The following PDE1A variants were observed in gnomAD, a reference collection of about 807,000 sequenced individuals.
PDE1A encodes the protein phosphodiesterase 1A, also known as dual specificity calcium/calmodulin-dependent 3',5'-cyclic nucleotide phosphodiesterase 1A.
PDE1A carries 35 observed loss-of-function variants against 61.7 expected under a neutral mutation model. That is an observed-to-expected ratio of 0.57 (90% CI 0.43 to 0.75). The LOEUF (loss-of-function observed/expected upper bound fraction) is 0.75, where lower values mean the gene tolerates loss of function less well. PDE1A is among the 30% of genes least tolerant of loss of function. The probability of loss-of-function intolerance (pLI) is 0.00; values close to 1 mark genes in which losing one functional copy is unlikely to be tolerated. For synonymous variants in PDE1A, 232 were observed against 213.2 expected, an observed-to-expected ratio of 1.09 and a Z score of -0.77; for missense variants, 597 against 630.6, an observed-to-expected ratio of 0.95 and a Z score of 0.57.
chr2:182,580,493 A>C, the PDE1A span, among the ~76,000 whole-genome samples: 1 of 152,140 alleles, frequency 6.6e-6, no homozygotes, highest in Non-Finnish European at 1.5e-5. Flanking sequence ...ACTTCATTTT[A>C]TCTCTTTAAA....
the PDE1A span, among the ~76,000 whole-genome samples, chr2:182,536,240 T>G: frequency 6.6e-6 from 1 of 152,212 alleles, no homozygotes; most frequent in Non-Finnish European, 1.5e-5. Context: ...ACAGGAAGCA[T>G]GTACTTTCTT....
the PDE1A span, among the ~76,000 whole-genome samples, chr2:182,649,426 T>C: frequency 6.6e-6 from 1 of 151,576 alleles, no homozygotes; most frequent in Non-Finnish European, 1.5e-5. Flanking sequence ...CTAAAGAGGT[T>C]TTTTCAGGGG....
At chr2:182,253,710 A>G (rs868102614) in intron 2 of PDE1A, among the ~76,000 whole-genome samples, 1 of 152,172 alleles carries the variant, frequency 6.6e-6, no homozygotes, top group Non-Finnish European at 1.5e-5. Flanking sequence ...TTGGCCTTAA[A>G]AAAGGGAGTA....
intron 13 of PDE1A, among the ~76,000 whole-genome samples, chr2:182,174,855 A>G (rs1272832988): frequency 6.6e-6 from 1 of 152,104 alleles, no homozygotes. Context: ...TCAACCCGTC[A>G]TCTACATTAG....
rs1381404085 is a variant in PDE1A at position 182,216,197 on chromosome 2, C to G, written c.776+7667G>C. 5.5e-5 allele frequency among the ~76,000 whole-genome samples: 4 copies of G among 72,516 alleles called. 1 individual carries two copies. Among genetic ancestry groups the G allele is most frequent in the African/African-American group, 2.0e-4 (4 of 19,872 alleles). 47.6% of individuals were successfully genotyped at this position (72,516 alleles called of 152,430 possible). ...ATTATCTCAATAGATGCAGAAAAAG[C>G]CTTTGACAAAATTCAACAACCCTTC... On this transcript the variant is annotated intron_variant, in intron 7 of 13. Coordinates refer to ENST00000351439, the Ensembl canonical transcript of PDE1A.
the PDE1A span, among the ~76,000 whole-genome samples, chr2:182,546,568 A>G: frequency 6.6e-6 from 1 of 152,222 alleles, no homozygotes; most frequent in African/African-American, 2.4e-5. Flanking sequence ...ATCACTCACA[A>G]AAGAACAGCA....
intron 1 of PDE1A, among the ~76,000 whole-genome samples, chr2:182,295,405 C>T (rs1694819660): frequency 6.6e-6 from 1 of 152,132 alleles, no homozygotes; most frequent in East Asian, 1.9e-4. Context: ...ATGGAAATCA[C>T]CTATCTACTA....
intron 2 of PDE1A, among the ~76,000 whole-genome samples, chr2:182,245,916 C>G (rs1690909814): frequency 6.6e-6 from 1 of 152,102 alleles, no homozygotes; most frequent in South Asian, 2.1e-4. Flanking sequence ...CTTGCTATAC[C>G]ATTTTGTATT....
chr2:182,560,140 G>C, the PDE1A span, among the ~76,000 whole-genome samples: 1 of 150,868 alleles, frequency 6.6e-6, no homozygotes, highest in African/African-American at 2.4e-5. Flanking sequence ...CTATACATGT[G>C]CCATGCTGGT....
intron 1 of PDE1A, among the ~76,000 whole-genome samples, chr2:182,345,930 G>T (rs932665612): frequency 7.2e-5 from 11 of 152,130 alleles, no homozygotes; most frequent in Non-Finnish European, 1.3e-4. Flanking sequence ...TCTGTCTCCT[G>T]CAATGTTACC....
chr2:182,269,832 A>G (rs891023236), intron 1 of PDE1A, among the ~76,000 whole-genome samples: 3 of 152,170 alleles, frequency 2.0e-5, no homozygotes, highest in African/African-American at 7.2e-5. Flanking sequence ...TCACAAGTGT[A>G]TACCTGTGTC....
At chr2:182,410,228 A>T (rs917282311) in intron 1 of PDE1A, among the ~76,000 whole-genome samples, 1 of 152,210 alleles carries the variant, frequency 6.6e-6, no homozygotes, top group South Asian at 2.1e-4. Flanking sequence ...TTAGCTAGGC[A>T]TGGTGGTGCA....
the PDE1A span, among the ~76,000 whole-genome samples, chr2:182,682,328 T>C: frequency 1.3e-5 from 2 of 152,182 alleles, no homozygotes; most frequent in Non-Finnish European, 2.9e-5. Context: ...AGTAGGGGTT[T>C]ATATAGCAGG....
At chr2:182,628,609 T>C in the PDE1A span, among the ~76,000 whole-genome samples, 1 of 152,142 alleles carries the variant, frequency 6.6e-6, no homozygotes, top group Non-Finnish European at 1.5e-5. Flanking sequence ...CAGAAAAGCT[T>C]GTAGAAATAC....
rs148635839 is a variant in PDE1A, at chr2:182,476,290, A to G, written c.101+45986T>C. Among the ~76,000 whole-genome samples, 234 of 152,016 alleles carry G rather than the reference A, an allele frequency of 1.5e-3. 1 individual carries two copies. The highest frequency in any genetic ancestry group is 5.3e-3 in the African/African-American group (219 of 41,514). On this transcript the variant is annotated intron_variant, in intron 2 of 14. Transcript: ENST00000410103. ...TGGATCACTTGAGGTCAGGAATTCA[A>G]CACCAGCCTATTCAATATGACAAAA...
At chr2:182,639,616 A>G in the PDE1A span, among the ~76,000 whole-genome samples, 1 of 152,108 alleles carries the variant, frequency 6.6e-6, no homozygotes, top group African/African-American at 2.4e-5. Flanking sequence ...AATAAAATCG[A>G]AAAAGAGAGA....
At chr2:182,468,347 T>C (rs776634537) in intron 2 of PDE1A, among the ~76,000 whole-genome samples, 19 of 152,124 alleles carry the variant, frequency 1.2e-4, no homozygotes, top group African/African-American at 2.2e-4. Context: ...ACAATGTTCA[T>C]AGCATCTTCA....
At chr2:182,352,646 C>A (rs1272648644) in intron 1 of PDE1A, among the ~76,000 whole-genome samples, 1 of 146,836 alleles carries the variant, frequency 6.8e-6, no homozygotes, top group Non-Finnish European at 1.5e-5. Flanking sequence ...GTGATGCTCA[C>A]TCTGTTGTTT....
chr2:182,697,316 C>T, the PDE1A span, among the ~76,000 whole-genome samples: 5 of 152,312 alleles, frequency 3.3e-5, no homozygotes, highest in African/African-American at 9.6e-5. Flanking sequence ...TGTGACCTTA[C>T]GAAATTGCTT....
Sources: allele counts gnomAD v4.1 joint callset (sites outside exome capture counted in the v4.1 genomes callset), GRCh38; gene constraint gnomAD v4.1.1; transcripts MANE v1.5; gene names NCBI Gene and HGNC (gene_info 2026-07-23, HGNC 2026-07-21).